TRPA1: variants seen among roughly 807,000 people sequenced by gnomAD.
The protein encoded by TRPA1 is transient receptor potential cation channel subfamily A member 1, also known as ankyrin-like with transmembrane domains 1.
A neutral mutation model predicts 131.3 loss-of-function variants in TRPA1; 129 were observed. That is an observed-to-expected ratio of 0.98 (90% CI 0.85 to 1.14). The LOEUF (loss-of-function observed/expected upper bound fraction) is 1.14. TRPA1 is among the 50% of genes most tolerant of loss of function. The pLI is 0.00. For synonymous variants in TRPA1, 441 were observed against 451.7 expected (o/e 0.98, Z 0.30); for missense variants, 1,304 against 1,354.2 (o/e 0.96, Z 0.58).
the TRPA1 span, among the ~76,000 whole-genome samples, chr8:72,083,007 G>C: frequency 6.6e-6 from 1 of 151,566 alleles, no homozygotes; most frequent in Non-Finnish European, 1.5e-5. Context: ...CTCTGCTTTA[G>C]ATTAATTTTT....
rs537377529 is a variant in TRPA1 at position 72,021,261 on chromosome 8, T to C, written c.*1645A>G. ...GGTTGGTGACATTGTTGTAAGACAA[T>C]CTGTTTATTTAAATATTTCGCATGA... is the stretch of plus-strand genomic sequence containing the variant. On this transcript the variant is annotated 3_prime_UTR_variant, in exon 27 of 27. Coordinates refer to ENST00000262209, the MANE Select transcript of TRPA1 (RefSeq NM_007332.3). 9.8e-5 allele frequency: 15 copies of C among 152,294 alleles called. No homozygotes were observed. The highest frequency in any genetic ancestry group is 9.2e-4 in the Admixed American group (14 of 15,296). The allele number at this position is 152,294 out of a possible 1,614,324, so 9.4% of individuals were successfully genotyped here. A position where few individuals can be genotyped will look rare whatever the true frequency, so the allele number is the denominator to read the frequency against.
intron 2 of TRPA1, 119 bp from the exon 3 acceptor site, chr8:72,069,317 T>C: frequency 1.0e-6 from 1 of 1,000,370 alleles, no homozygotes; most frequent in Non-Finnish European, 1.5e-6. Flanking sequence ...TGCATCTTTT[T>C]ATGGAAACTA....
chr8:72,026,096 T>G, intron 24 of TRPA1, 23 bp from the exon 25 acceptor site: 1 of 1,583,508 alleles, frequency 6.3e-7, no homozygotes, highest in Non-Finnish European at 8.7e-7. Context: ...TTGGATTTAT[T>G]GATAGAATCA....
At chr8:72,051,036 CA>C (rs1805491730) in intron 14 of TRPA1, among the ~76,000 whole-genome samples, 165 bp from the exon 15 acceptor site, 1 of 152,232 alleles carries the variant, frequency 6.6e-6, no homozygotes, top group African/African-American at 2.4e-5. Flanking sequence ...AAAGCAAGAT[CA>C]ACTCAGTAAT....
chr8:72,028,188 A>G (rs181879329), intron 24 of TRPA1, among the ~76,000 whole-genome samples: 1 of 152,346 alleles, frequency 6.6e-6, no homozygotes, highest in Non-Finnish European at 1.5e-5. Flanking sequence ...ATAACAGATC[A>G]CTATAAACAC....
chr8:72,051,753 T>C (rs1805514774), intron 14 of TRPA1, among the ~76,000 whole-genome samples: 1 of 152,188 alleles, frequency 6.6e-6, no homozygotes. Flanking sequence ...ATAAAGATAT[T>C]ATGAGAAGTG....
At chr8:72,075,626 C>G (rs1006227808), upstream of TRPA1, 5 of 571,174 alleles carry the variant, frequency 8.8e-6, no homozygotes, top group East Asian at 1.5e-4. Flanking sequence ...GTGCAGGAAG[C>G]AGGCGGGGCG....
chr8:72,060,108 G>A (rs958059970), intron 7 of TRPA1, among the ~76,000 whole-genome samples: 1 of 151,698 alleles, frequency 6.6e-6, no homozygotes, highest in African/African-American at 2.4e-5. Flanking sequence ...TTGTTAATTT[G>A]ATTGACAAGA....
intron 24 of TRPA1, among the ~76,000 whole-genome samples, chr8:72,027,234 A>G (rs1563380203): frequency 6.6e-6 from 1 of 152,146 alleles, no homozygotes; most frequent in Admixed American, 6.5e-5. Flanking sequence ...CAGATAAAAT[A>G]CATAGTGTGT....
In TRPA1 at chr8:72,062,814, T is replaced by A; in HGVS notation, c.792A>T (p.Gln264His). The A allele has an allele frequency of 6.2e-7, 1 of 1,614,050 alleles. No homozygotes were observed. Among genetic ancestry groups the A allele is most frequent in the Non-Finnish European group, 8.5e-7 (1 of 1,179,974 alleles). ...GAAGAGTTACCTCCACTGGGTCTAT[T>A]TGTGCACCATTGTCCAGGCACATTT... is the stretch of plus-strand genomic sequence containing the variant. The part of the protein sequence containing the change: ...MIKMCLDNGA[Q>H]IDPVEKGRCT... The change falls in exon 6 of 27, where the codon CAA becomes CAT. Residue 264 changes from glutamine (Q) to histidine (H), a missense_variant. Coordinates refer to ENST00000262209, the MANE Select transcript of TRPA1 (RefSeq NM_007332.3).
intron 24 of TRPA1, among the ~76,000 whole-genome samples, chr8:72,028,755 C>A (rs930154168): frequency 6.6e-6 from 1 of 152,178 alleles, no homozygotes; most frequent in African/African-American, 2.4e-5. Flanking sequence ...TCTGGGCTCT[C>A]ATGATAAGTT....
At chr8:72,070,302 A>G (rs1806031160) in intron 2 of TRPA1, among the ~76,000 whole-genome samples, 1 of 151,914 alleles carries the variant, frequency 6.6e-6, no homozygotes, top group African/African-American at 2.4e-5. Context: ...CCTTTCATTC[A>G]TCTAAGTGTT....
chr8:72,076,014 T>C (rs76988688), upstream of TRPA1, among the ~76,000 whole-genome samples: 3,009 of 152,176 alleles, frequency 0.02, 94 homozygotes, highest in African/African-American at 0.069. Context: ...CCTACAGACC[T>C]GTGTTTCCCA....
At chr8:72,050,989 G>T in intron 14 of TRPA1, 118 bp from the exon 15 acceptor site, 1 of 742,866 alleles carries the variant, frequency 1.3e-6, no homozygotes, top group Non-Finnish European at 2.3e-6. Context: ...TTCATGAAAT[G>T]CAATGCTCAC....
chr8:72,062,788 T>C lies in TRPA1; in HGVS notation c.807+11A>G, dbSNP rs757563556. On this transcript the variant is annotated intron_variant, in intron 6 of 26. Transcript: ENST00000262209. The stretch of plus-strand genomic sequence containing the variant: ...TAAGATAAAAGTGTTATATAGAATA[T>C]GAAGAGTTACCTCCACTGGGTCTAT... The C allele has an allele frequency of 1.9e-6, 3 of 1,613,460 alleles. No homozygotes were observed. In the South Asian group the frequency reaches 3.3e-5, roughly 18 times the overall value.
the TRPA1 span, among the ~76,000 whole-genome samples, chr8:72,088,758 T>C: frequency 3.9e-5 from 6 of 152,184 alleles, no homozygotes; most frequent in African/African-American, 1.2e-4. Flanking sequence ...TGTTTTCTAC[T>C]GGTAATCAGA....
intron 17 of TRPA1, among the ~76,000 whole-genome samples, chr8:72,044,032 A>G (rs1812345291): frequency 6.6e-6 from 1 of 151,822 alleles, no homozygotes; most frequent in African/African-American, 2.4e-5. Flanking sequence ...ACAATGGAAT[A>G]TTTCCAGGTT....
At position 72,021,667 on chromosome 8, in the gene TRPA1, T is replaced by A. The variant is rs2081054302; in HGVS notation, c.*1239A>T. The A allele has an allele frequency of 6.7e-6, 1 of 149,598 alleles. No individual in the cohort carries two copies. The highest frequency in any genetic ancestry group is 2.0e-4 in the East Asian group (1 of 4,988). The allele number at this position is 149,598 out of a possible 1,614,324, so 9.3% of individuals were successfully genotyped here. A position where few individuals can be genotyped will look rare whatever the true frequency, so the allele number is the denominator to read the frequency against. ...TGCAGGAAGGTGGAGGTAACCAAGCTGTCCATCTCTAGAAAAGTCCAGTGT... is the reference window on the plus strand; with the variant it reads ...TGCAGGAAGGTGGAGGTAACCAAGCAGTCCATCTCTAGAAAAGTCCAGTGT... On this transcript the variant is annotated 3_prime_UTR_variant, in exon 27 of 27. Transcript: ENST00000262209.
rs565784712 is a variant in TRPA1 at position 72,073,108 on chromosome 8, A to G, written c.112-1241T>C. Among the ~76,000 whole-genome samples, 19 of 152,352 alleles carry G rather than the reference A, an allele frequency of 1.2e-4. No homozygotes were observed. In the South Asian group the frequency reaches 3.9e-3, roughly 32 times the overall value. On this transcript the variant is annotated intron_variant, in intron 1 of 26. Coordinates refer to ENST00000262209, the MANE Select transcript of TRPA1 (RefSeq NM_007332.3). Reference sequence around the variant, plus strand: ...TGAACTATGTGATTAGATTCAGAACATAATAGACTAGATCACTTTTAGATA... The same window carrying G: ...TGAACTATGTGATTAGATTCAGAACGTAATAGACTAGATCACTTTTAGATA...
Sources: allele counts gnomAD v4.1 joint callset (sites outside exome capture counted in the v4.1 genomes callset), GRCh38; gene constraint gnomAD v4.1.1; transcripts MANE v1.5; gene names NCBI Gene and HGNC (gene_info 2026-07-23, HGNC 2026-07-21).